SPMIP7: variants seen among roughly 807,000 people sequenced by gnomAD.
SPMIP7 encodes the protein sperm microtubule inner protein 7, also known as protein SPMIP7.
chr7:50,153,123 A>G, the SPMIP7 span, among the ~76,000 whole-genome samples: 1 of 152,220 alleles, frequency 6.6e-6, no homozygotes, highest in African/African-American at 2.4e-5. Context: ...AGAAGCACAC[A>G]AGTAACTGAA....
chr7:50,106,724 G>A, the SPMIP7 span, among the ~76,000 whole-genome samples: 3 of 152,092 alleles, frequency 2.0e-5, no homozygotes, highest in African/African-American at 7.2e-5. Flanking sequence ...TCCATATGTT[G>A]CAAATATGCG....
the SPMIP7 span, among the ~76,000 whole-genome samples, chr7:50,108,009 T>C: frequency 1.3e-5 from 2 of 152,202 alleles, no homozygotes; most frequent in Non-Finnish European, 2.9e-5. Flanking sequence ...TCAGGTCTTG[T>C]TAAATATGAA....
the SPMIP7 span, among the ~76,000 whole-genome samples, chr7:50,126,208 A>G: frequency 7.3e-6 from 1 of 136,850 alleles, no homozygotes; most frequent in African/African-American, 2.9e-5. Context: ...AAAAGAGAAT[A>G]CACATCATCA....
At chr7:50,112,847 G>A in the SPMIP7 span, among the ~76,000 whole-genome samples, 3 of 151,984 alleles carry the variant, frequency 2.0e-5, no homozygotes, top group Admixed American at 6.6e-5. Flanking sequence ...AGAATTTGCA[G>A]GGTAAGATAG....
the SPMIP7 span, among the ~76,000 whole-genome samples, chr7:50,152,664 T>TTTTACTTATTTA: frequency 7.1e-6 from 1 of 141,362 alleles, no homozygotes; most frequent in Admixed American, 7.2e-5. Flanking sequence ...TTATCACACA[T>TTTTACTTATTTA]TTTATTTATT....
chr7:50,096,014 G>C, the SPMIP7 span: 2 of 995,616 alleles, frequency 2.0e-6, no homozygotes, highest in South Asian at 2.2e-5. Flanking sequence ...TGGCAATAGA[G>C]TTTATATAGT....
chr7:50,143,462 G>A, the SPMIP7 span, among the ~76,000 whole-genome samples: 5 of 152,022 alleles, frequency 3.3e-5, no homozygotes, highest in African/African-American at 1.2e-4. Flanking sequence ...CACCACACCC[G>A]GCCCAAAAAC....
the SPMIP7 span, among the ~76,000 whole-genome samples, chr7:50,123,132 G>A: frequency 2.3e-5 from 3 of 129,664 alleles, no homozygotes; most frequent in African/African-American, 9.3e-5. Context: ...GTTTATTGCG[G>A]CACTATTCAC....
the SPMIP7 span, among the ~76,000 whole-genome samples, chr7:50,137,054 C>T: frequency 6.6e-6 from 1 of 151,894 alleles, no homozygotes; most frequent in South Asian, 2.1e-4. Flanking sequence ...TTCATGCATT[C>T]TTATAATTTT....
At chr7:50,100,513 T>C in the SPMIP7 span, among the ~76,000 whole-genome samples, 1 of 152,192 alleles carries the variant, frequency 6.6e-6, no homozygotes, top group Non-Finnish European at 1.5e-5. Context: ...AATTTTGTTG[T>C]TTAAATTTTC....
At chr7:50,124,260 A>G in the SPMIP7 span, among the ~76,000 whole-genome samples, 3 of 152,268 alleles carry the variant, frequency 2.0e-5, no homozygotes, top group East Asian at 5.8e-4. Flanking sequence ...AACAGACACA[A>G]AAAGGAGAGA....
At chr7:50,133,227 G>A in the SPMIP7 span, among the ~76,000 whole-genome samples, 1 of 110,224 alleles carries the variant, frequency 9.1e-6, no homozygotes, top group Admixed American at 9.5e-5. Flanking sequence ...ATATTTGTGT[G>A]TGTGTGTTTG....
At chr7:50,112,395 C>G in the SPMIP7 span, among the ~76,000 whole-genome samples, 2 of 152,014 alleles carry the variant, frequency 1.3e-5, no homozygotes, top group Non-Finnish European at 2.9e-5. Flanking sequence ...AGGAGACTAT[C>G]CTGTGCAATG....
chr7:50,132,959 T>C, the SPMIP7 span, among the ~76,000 whole-genome samples: 1 of 152,190 alleles, frequency 6.6e-6, no homozygotes, highest in African/African-American at 2.4e-5. Flanking sequence ...GAATCACTGG[T>C]AATTCTTTTA....
chr7:50,117,031 A>T, the SPMIP7 span, among the ~76,000 whole-genome samples: 5 of 152,224 alleles, frequency 3.3e-5, no homozygotes, highest in Non-Finnish European at 7.3e-5. Flanking sequence ...GCAGGATAAT[A>T]CAGATTCTGG....
the SPMIP7 span, among the ~76,000 whole-genome samples, chr7:50,154,698 T>C: frequency 6.6e-6 from 1 of 152,240 alleles, no homozygotes; most frequent in South Asian, 2.1e-4. Flanking sequence ...GATATCTTTA[T>C]GAGGTGGTAA....
the SPMIP7 span, among the ~76,000 whole-genome samples, chr7:50,099,116 T>A: frequency 5.9e-5 from 9 of 152,172 alleles, no homozygotes; most frequent in African/African-American, 1.9e-4. Context: ...GTGATTGGCT[T>A]ATTTCACTTA....
At chr7:50,123,818 G>C in the SPMIP7 span, among the ~76,000 whole-genome samples, 2 of 151,970 alleles carry the variant, frequency 1.3e-5, no homozygotes, top group African/African-American at 4.8e-5. Context: ...AAAAGGAACA[G>C]AGAAATAGAA....
At chr7:50,159,180 C>T in the SPMIP7 span, 1 of 1,550,230 alleles carries the variant, frequency 6.5e-7, no homozygotes, top group East Asian at 2.4e-5. Flanking sequence ...AGGAGGCGGC[C>T]CTGCGCGGGC....
Sources: allele counts gnomAD v4.1 joint callset (sites outside exome capture counted in the v4.1 genomes callset), GRCh38; gene constraint gnomAD v4.1.1; transcripts MANE v1.5; gene names NCBI Gene and HGNC (gene_info 2026-07-23, HGNC 2026-07-21).